The following STARD13 variants were observed in gnomAD, a reference collection of about 807,000 sequenced individuals.
STARD13 encodes stAR-related lipid transfer protein 13.
In STARD13, 62 loss-of-function variants were observed where a neutral mutation model predicts 106.4. That is an observed-to-expected ratio of 0.58 (90% confidence interval 0.48 to 0.72). The LOEUF is 0.72. Among genes scored for constraint, STARD13 ranks in the 30% least tolerant of loss-of-function variants. The pLI is 0.00. For missense variants in STARD13, 1,387 were observed against 1,424.0 expected, an observed-to-expected ratio of 0.97 and a Z score of 0.42; for synonymous variants, 565 against 553.0, an observed-to-expected ratio of 1.02 and a Z score of -0.31.
chr13:33,449,900 A>G, the STARD13 span, among the ~76,000 whole-genome samples: 1 of 152,148 alleles, frequency 6.6e-6, no homozygotes, highest in Non-Finnish European at 1.5e-5. Context: ...CTATTGGCAT[A>G]TAGAAATACA....
chr13:33,141,483 G>A (rs1879822211), intron 4 of STARD13, among the ~76,000 whole-genome samples: 1 of 152,332 alleles, frequency 6.6e-6, no homozygotes, highest in African/African-American at 2.4e-5. Flanking sequence ...TATCCATAAA[G>A]AGGAAGCAGC....
chr13:33,574,917 T>TG, the STARD13 span, among the ~76,000 whole-genome samples: 18 of 143,226 alleles, frequency 1.3e-4, no homozygotes, highest in African/African-American at 5.0e-4. Flanking sequence ...CATCTACTTT[T>TG]TTTTTTTTTT....
At chr13:33,272,938 A>G (rs1891232498) in intron 1 of STARD13, 1 of 152,158 alleles carries the variant, frequency 6.6e-6, no homozygotes, top group Non-Finnish European at 1.5e-5. Context: ...GGGAGGAGGG[A>G]AAATTGGACT....
chr13:33,260,271 C>T (rs1237647082), intron 1 of STARD13, among the ~76,000 whole-genome samples: 2 of 152,184 alleles, frequency 1.3e-5, no homozygotes, highest in Non-Finnish European at 2.9e-5. Flanking sequence ...ATTCATTTGC[C>T]ATAGATTCAA....
chr13:33,478,907 C>T, the STARD13 span, among the ~76,000 whole-genome samples: 1 of 152,022 alleles, frequency 6.6e-6, no homozygotes, highest in African/African-American at 2.4e-5. Context: ...CAGAGGAAGA[C>T]CCTGTCTCAA....
intron 1 of STARD13, among the ~76,000 whole-genome samples, chr13:33,199,040 T>A (rs1351726391): frequency 6.6e-6 from 1 of 152,250 alleles, no homozygotes; most frequent in Non-Finnish European, 1.5e-5. Context: ...CTCATCTATT[T>A]TTGAACACAT....
At chr13:33,549,366 A>T in the STARD13 span, among the ~76,000 whole-genome samples, 3 of 152,348 alleles carry the variant, frequency 2.0e-5, no homozygotes, top group Admixed American at 2.0e-4. Flanking sequence ...TAAAGTGTGG[A>T]TCCCAGGATG....
chr13:33,216,596 C>T (rs370961703), intron 1 of STARD13, among the ~76,000 whole-genome samples: 8 of 152,218 alleles, frequency 5.3e-5, no homozygotes, highest in African/African-American at 1.7e-4. Flanking sequence ...GGATAAAAGA[C>T]TGCAAATTGG....
chr13:33,470,512 A>G, the STARD13 span, among the ~76,000 whole-genome samples: 1 of 151,982 alleles, frequency 6.6e-6, no homozygotes, highest in East Asian at 1.9e-4. Flanking sequence ...GTCTTCCACA[A>G]TGGTTGAACT....
At chr13:33,618,003 C>T in the STARD13 span, among the ~76,000 whole-genome samples, 2 of 152,156 alleles carry the variant, frequency 1.3e-5, no homozygotes, top group African/African-American at 4.8e-5. Flanking sequence ...AAGGAACCAT[C>T]CTTGCAAAAA....
At chr13:33,323,759 T>G (rs777721012) in intron 1 of STARD13, among the ~76,000 whole-genome samples, 1 of 152,204 alleles carries the variant, frequency 6.6e-6, no homozygotes, top group Non-Finnish European at 1.5e-5. Context: ...TGCATCATGC[T>G]CTTAAAAGAC....
At chr13:33,619,785 C>T in the STARD13 span, among the ~76,000 whole-genome samples, 52 of 152,080 alleles carry the variant, frequency 3.4e-4, no homozygotes, top group Admixed American at 1.1e-3. Flanking sequence ...CGTTAGAGGC[C>T]GGTTGCAGTG....
At chr13:33,607,219 A>C in the STARD13 span, among the ~76,000 whole-genome samples, 1 of 151,992 alleles carries the variant, frequency 6.6e-6, no homozygotes, top group East Asian at 1.9e-4. Flanking sequence ...ATGCACTAAT[A>C]ATAAAAATAA....
chr13:33,350,311 C>G, exon 1 of STARD13: 1 of 1,532,880 alleles, frequency 6.5e-7, no homozygotes. Flanking sequence ...CTCTCCCGGA[C>G]GTTCTTCCAC....
At chr13:33,212,234 T>C (rs1887764908) in intron 1 of STARD13, among the ~76,000 whole-genome samples, 1 of 152,156 alleles carries the variant, frequency 6.6e-6, no homozygotes, top group Non-Finnish European at 1.5e-5. Flanking sequence ...CCGAGCAGTG[T>C]GGTAGAAAAG....
At chr13:33,528,737 C>T in the STARD13 span, among the ~76,000 whole-genome samples, 2 of 152,188 alleles carry the variant, frequency 1.3e-5, no homozygotes, top group East Asian at 3.9e-4. Context: ...CTTCCTAGTG[C>T]TGGTCACGAG....
chr13:33,131,035 A>C (rs1878213643), intron 4 of STARD13, among the ~76,000 whole-genome samples: 1 of 152,162 alleles, frequency 6.6e-6, no homozygotes, highest in Non-Finnish European at 1.5e-5. Context: ...ACTGTCTTAC[A>C]CTTTGGGCCT....
downstream of STARD13, among the ~76,000 whole-genome samples, chr13:33,344,703 A>C (rs921651407): frequency 6.6e-6 from 1 of 152,232 alleles, no homozygotes; most frequent in Non-Finnish European, 1.5e-5. Context: ...TTAAGTCAGA[A>C]TATTTTTGGC....
the STARD13 span, among the ~76,000 whole-genome samples, chr13:33,530,500 T>A: frequency 6.6e-6 from 1 of 152,222 alleles, no homozygotes; most frequent in Non-Finnish European, 1.5e-5. Context: ...CATCTGTAAT[T>A]TATTTTTGTT....
Sources: allele counts gnomAD v4.1 joint callset (sites outside exome capture counted in the v4.1 genomes callset), GRCh38; gene constraint gnomAD v4.1.1; transcripts MANE v1.5; gene names NCBI Gene and HGNC (gene_info 2026-07-23, HGNC 2026-07-21).